CALU: variants seen among roughly 807,000 people sequenced by gnomAD.
The protein encoded by CALU is IEF SSP 9302.
In CALU, 13 loss-of-function variants were observed where a neutral mutation model predicts 37.5. The observed-to-expected ratio is 0.35, with a 90% CI of 0.23 to 0.55. The LOEUF (loss-of-function observed/expected upper bound fraction) is 0.55. Ranked by LOEUF, CALU falls within the 20% of genes least tolerant of loss-of-function variation. The probability of loss-of-function intolerance (pLI) is 0.89; values close to 1 mark genes in which losing one functional copy is unlikely to be tolerated. For missense variants in CALU, 282 were observed against 391.7 expected (o/e 0.72, Z 2.36); for synonymous variants, 114 against 133.8 (o/e 0.85, Z 1.02).
chr7:128,755,450 A>G (rs1259806086), intron 3 of CALU, among the ~76,000 whole-genome samples: 2 of 152,156 alleles, frequency 1.3e-5, no homozygotes, highest in Admixed American at 6.5e-5. Context: ...ATTTCTTTAT[A>G]ACTGGTGAGA....
intron 2 of CALU, among the ~76,000 whole-genome samples, chr7:128,751,501 A>G (rs1800673776): frequency 6.6e-6 from 1 of 152,032 alleles, no homozygotes; most frequent in African/African-American, 2.4e-5. Flanking sequence ...CTGAAGCAGG[A>G]GGATTGCTTG....
chr7:128,756,980 G>A (rs953085643), intron 3 of CALU, among the ~76,000 whole-genome samples: 22 of 152,012 alleles, frequency 1.4e-4, no homozygotes, highest in African/African-American at 5.1e-4. Context: ...TTGGGAGGCC[G>A]AAGCAGGAGG....
In CALU at chr7:128,770,108, A is replaced by G. The variant is rs1801501819; in HGVS notation, c.*941A>G. The G allele has an allele frequency of 6.6e-6, 1 of 152,622 alleles. No individual in the cohort carries two copies. The highest frequency in any genetic ancestry group is 2.1e-4 in the South Asian group (1 of 4,828). The allele number at this position is 152,622 out of a possible 1,614,324, so 9.5% of individuals were successfully genotyped here. A position where few individuals can be genotyped will look rare whatever the true frequency, so the allele number is the denominator to read the frequency against. ...AGGAATTAATCTTGGTTTCACTACA[A>G]TTAAAATTCACTCCTTTCCAATCAT... On this transcript the variant is annotated 3_prime_UTR_variant, in exon 7 of 7. Coordinates refer to ENST00000249364, the MANE Select transcript of CALU (RefSeq NM_001219.5).
intron 1 of CALU, 123 bp downstream of exon 1, chr7:128,739,555 C>G (rs976773084): frequency 2.0e-5 from 3 of 152,314 alleles, no homozygotes; most frequent in African/African-American, 7.2e-5. Flanking sequence ...TCTCTGCTGG[C>G]GCCCGGGTCC....
intron 3 of CALU, 96 bp downstream of exon 3, chr7:128,754,551 G>T: frequency 6.4e-7 from 1 of 1,559,334 alleles, no homozygotes; most frequent in Non-Finnish European, 8.7e-7. Context: ...TAAAATAGAC[G>T]CGGATAAAGA....
At chr7:128,759,384 A>T (rs888141140) in intron 4 of CALU, among the ~76,000 whole-genome samples, 1 of 152,242 alleles carries the variant, frequency 6.6e-6, no homozygotes, top group Non-Finnish European at 1.5e-5. Flanking sequence ...AATAACAGTG[A>T]TACTAAAGAA....
intron 2 of CALU, among the ~76,000 whole-genome samples, chr7:128,750,827 G>A (rs184474002): frequency 1.4e-4 from 21 of 152,198 alleles, no homozygotes; most frequent in Admixed American, 1.2e-3. Flanking sequence ...AAAAATTCAC[G>A]ACTTTTTGAA....
intron 5 of CALU, among the ~76,000 whole-genome samples, chr7:128,764,976 C>A (rs892161185): frequency 1.3e-5 from 2 of 152,122 alleles, no homozygotes; most frequent in Admixed American, 1.3e-4. Context: ...TGTTGGTGTG[C>A]AGTGGCACAA....
At chr7:128,759,093 T>C in intron 4 of CALU, 56 bp downstream of exon 4, 1 of 1,417,228 alleles carries the variant, frequency 7.1e-7, no homozygotes, top group Non-Finnish European at 9.8e-7. Flanking sequence ...TGTGGCTTAT[T>C]CTGTCTTTCC....
At chr7:128,745,685 A>G (rs970134984) in intron 1 of CALU, among the ~76,000 whole-genome samples, 26 of 152,338 alleles carry the variant, frequency 1.7e-4, no homozygotes, top group Admixed American at 4.6e-4. Context: ...TGTTGTATTT[A>G]TAGAGCCGCT....
chr7:128,772,400 A>T lies in CALU; in HGVS notation c.*3233A>T. 9.6e-7 allele frequency: 1 copy of T among 1,036,498 alleles called. No homozygotes were observed. Among genetic ancestry groups the T allele is most frequent in the East Asian group, 2.6e-5 (1 of 38,344 alleles). 64.2% of individuals were successfully genotyped at this position (1,036,498 alleles called of 1,614,324 possible). A position where few individuals can be genotyped will look rare whatever the true frequency, so the allele number is the denominator to read the frequency against. On this transcript the variant is annotated 3_prime_UTR_variant, in exon 7 of 7. Transcript: ENST00000249364. The stretch of plus-strand genomic sequence containing the variant: ...AGAAGGCAATAGTAAGAAAATGAAA[A>T]ATTGACTCCCCAAACTGCCATCACT...
intron 1 of CALU, among the ~76,000 whole-genome samples, chr7:128,741,498 A>G (rs1584996297): frequency 6.6e-6 from 1 of 152,198 alleles, no homozygotes; most frequent in Admixed American, 6.5e-5. Flanking sequence ...AAGGTAACCT[A>G]TGGTCATTGT....
At chr7:128,754,649 G>A (rs1212209279) in intron 3 of CALU, 194 bp downstream of exon 3, 40 of 1,552,120 alleles carry the variant, frequency 2.6e-5, no homozygotes, top group Non-Finnish European at 3.1e-5. Context: ...ACCAATGGCA[G>A]GAGTTTGATA....
intron 3 of CALU, among the ~76,000 whole-genome samples, chr7:128,756,707 C>T (rs1296276919): frequency 6.6e-6 from 1 of 152,148 alleles, no homozygotes; most frequent in Non-Finnish European, 1.5e-5. Flanking sequence ...TACAGGCCAG[C>T]TAGGGCCAAA....
intron 2 of CALU, 147 bp downstream of exon 2, chr7:128,748,951 A>G (rs1585003570): frequency 6.7e-6 from 4 of 596,202 alleles, no homozygotes; most frequent in Non-Finnish European, 1.2e-5. Flanking sequence ...TACTACCTCT[A>G]AAATTTCATT....
chr7:128,762,043 AT>A (rs11327311), intron 5 of CALU, among the ~76,000 whole-genome samples: 86,331 of 148,472 alleles, frequency 0.58, 25,133 homozygotes, highest in East Asian at 0.82. Context: ...TCCTAAACTG[AT>A]TTTTTTTTTT....
chr7:128,767,036 G>A (rs1417924718), intron 5 of CALU, among the ~76,000 whole-genome samples: 1 of 152,142 alleles, frequency 6.6e-6, no homozygotes, highest in African/African-American at 2.4e-5. Flanking sequence ...CCCCAGGGGC[G>A]TGCTTGTCCC....
At position 128,766,379 on chromosome 7, in the gene CALU, T is replaced by C. The variant is rs538048846; in HGVS notation, c.644-1077T>C. The stretch of plus-strand genomic sequence containing the variant: ...ACATGCAAACGAATTTATTCATTTT[T>C]TTTCAGGCATTTGCATTCTCAAGAC... On this transcript the variant is annotated intron_variant, in intron 5 of 6. Transcript: ENST00000249364. 8.5e-5 allele frequency among the ~76,000 whole-genome samples: 13 copies of C among 152,218 alleles called. No individual in the cohort carries two copies. In the South Asian group the frequency reaches 2.7e-3, roughly 32 times the overall value.
At chr7:128,750,155 G>A in intron 2 of CALU, among the ~76,000 whole-genome samples, 1 of 150,582 alleles carries the variant, frequency 6.6e-6, no homozygotes, top group Non-Finnish European at 1.5e-5. Flanking sequence ...GTGAACCCGG[G>A]AGGTGGAGCT....
Sources: gnomAD v4.1 joint callset for allele counts (sites outside exome capture counted in the v4.1 genomes callset) on GRCh38, gnomAD v4.1.1 for gene constraint, MANE v1.5 for transcripts, NCBI Gene and HGNC (gene_info 2026-07-23, HGNC 2026-07-21) for gene names.